Variants in PLXNC1 observed in about 807,000 individuals in gnomAD.
The protein encoded by PLXNC1 is plexin C1, also known as plexin-C1.
PLXNC1 carries 75 observed loss-of-function variants against 178.2 expected under a neutral mutation model. The ratio of observed to expected loss-of-function variants is 0.42; its 90% CI spans 0.35 to 0.51. PLXNC1 has a LOEUF of 0.51. Ranked by LOEUF, PLXNC1 falls within the 20% of genes least tolerant of loss-of-function variation. The pLI is 0.02. For synonymous variants in PLXNC1, 790 were observed against 779.9 expected, an observed-to-expected ratio of 1.01 and a Z score of -0.22; for missense variants, 1,503 against 1,984.4, an observed-to-expected ratio of 0.76 and a Z score of 4.61.
intron 5 of PLXNC1, among the ~76,000 whole-genome samples, chr12:94,216,069 C>A (rs1221795406): frequency 6.6e-6 from 1 of 152,046 alleles, no homozygotes; most frequent in Non-Finnish European, 1.5e-5. Context: ...AGTTTGAGAC[C>A]AGCCTGGCCA....
intron 9 of PLXNC1, among the ~76,000 whole-genome samples, chr12:94,236,652 G>A (rs954768600): frequency 2.1e-5 from 3 of 144,970 alleles, no homozygotes; most frequent in Non-Finnish European, 4.5e-5. Context: ...AGAGGATATA[G>A]GGGAAAAAAG....
In PLXNC1 at chr12:94,149,840, G is replaced by A; in HGVS notation, c.869G>A (p.Gly290Asp). 1 of 1,587,098 alleles carries A rather than the reference G, an allele frequency of 6.3e-7. No individual in the cohort carries two copies. Among genetic ancestry groups the A allele is most frequent in the South Asian group, 1.1e-5 (1 of 88,166 alleles). ...SLDCGHGHPDGRRLLLSSSLV... is the reference protein window; with the variant it reads ...SLDCGHGHPDDRRLLLSSSLV... Reference sequence around the variant, plus strand: ...GACTGCGGCCACGGCCACCCCGACGGCCGCCGCCTGCTCCTCTCCTCCAGC... The same window carrying A: ...GACTGCGGCCACGGCCACCCCGACGACCGCCGCCTGCTCCTCTCCTCCAGC... The change falls in exon 1 of 31, where the codon GGC (glycine) becomes GAC (aspartate). Residue 290 changes from glycine (G) to aspartate (D), a missense_variant. This residue lies in a region of PLXNC1 where 615 missense variants were observed against 698.6 expected (regional missense o/e 0.88). Transcript: ENST00000258526.
At chr12:94,285,427 G>A (rs1966777964) in intron 23 of PLXNC1, among the ~76,000 whole-genome samples, 1 of 152,204 alleles carries the variant, frequency 6.6e-6, no homozygotes, top group South Asian at 2.1e-4. Flanking sequence ...TGACTGAGGT[G>A]CTGCCCCTGT....
chr12:94,239,778 C>T (rs1043316277), intron 10 of PLXNC1, among the ~76,000 whole-genome samples: 1 of 152,238 alleles, frequency 6.6e-6, no homozygotes, highest in African/African-American at 2.4e-5. Context: ...CTGGATACTC[C>T]TTAGGGAGCA....
chr12:94,168,305 C>T (rs1961701956), intron 1 of PLXNC1: 1 of 152,204 alleles, frequency 6.6e-6, no homozygotes, highest in Admixed American at 6.5e-5. Context: ...GTAACAAACT[C>T]AGTTTCCTGT....
rs1419227052 is a variant in PLXNC1, at chr12:94,164,688, CACACACACACACACACACGT to C, written c.1063-4455_1063-4436del. ...ACACACACACACACACACACACACACACACACACACACACACACGTACACACACAAACACACACACACCTC... is the reference window on the plus strand; with the variant it reads ...ACACACACACACACACACACACACACACACACACAAACACACACACACCTC... On this transcript the variant is annotated intron_variant, in intron 1 of 30. Transcript: ENST00000258526. Among the ~76,000 whole-genome samples, 397 of 149,734 alleles carry C rather than the reference CACACACACACACACACACGT, an allele frequency of 2.7e-3. 3 individuals carry two copies. Among genetic ancestry groups the C allele is most frequent in the African/African-American group, 9.5e-3 (379 of 40,048 alleles).
At chr12:94,237,607 TGGAGCGATGC>T in intron 9 of PLXNC1, 47 bp from the exon 10 acceptor site, 2 of 1,521,484 alleles carry the variant, frequency 1.3e-6, no homozygotes, top group African/African-American at 1.4e-5. Context: ...CAGATTTTTT[TGGAGCGATGC>T]CATTTCTTAG....
chr12:94,249,950 A>G (rs1262784778), intron 14 of PLXNC1, among the ~76,000 whole-genome samples: 46 of 79,170 alleles, frequency 5.8e-4, no homozygotes, highest in African/African-American at 1.7e-3. Flanking sequence ...GGGGGGTGGG[A>G]ACAGGAGCAG....
intron 10 of PLXNC1, 43 bp from the exon 11 acceptor site, chr12:94,240,442 A>G: frequency 1.4e-6 from 2 of 1,473,678 alleles, no homozygotes; most frequent in Non-Finnish European, 1.9e-6. Flanking sequence ...AACTGTGCTA[A>G]GTGTCTGTGT....
At chr12:94,214,099 T>C (rs1011286271) in intron 5 of PLXNC1, among the ~76,000 whole-genome samples, 1 of 151,948 alleles carries the variant, frequency 6.6e-6, no homozygotes, top group Non-Finnish European at 1.5e-5. Flanking sequence ...CTTTTTTTTT[T>C]TTTTTGACAG....
chr12:94,217,173 C>T (rs991187782), intron 5 of PLXNC1, among the ~76,000 whole-genome samples: 1 of 152,176 alleles, frequency 6.6e-6, no homozygotes, highest in African/African-American at 2.4e-5. Flanking sequence ...CTGTAAGGTC[C>T]TCATCTAACT....
In PLXNC1 at chr12:94,149,784, C is replaced by G. The variant is rs770590648; in HGVS notation, c.813C>G (p.Thr271=). The part of the protein sequence containing the change: ...WPSMARIAQS[T]EVLFQGQASL... ...GCATGGCGCGCATCGCGCAGAGCACCGAGGTGCTGTTCCAGGGCCAGGCAT... is the reference window on the plus strand; with the variant it reads ...GCATGGCGCGCATCGCGCAGAGCACGGAGGTGCTGTTCCAGGGCCAGGCAT... Residue 271 remains threonine (T), a synonymous_variant, in exon 1 of 31, where the codon ACC becomes ACG. Coordinates refer to ENST00000258526, the MANE Select transcript of PLXNC1 (RefSeq NM_005761.3). 6.2e-6 allele frequency: 10 copies of G among 1,607,812 alleles called. No individual in the cohort carries two copies. Among genetic ancestry groups the G allele is most frequent in the Non-Finnish European group, 8.5e-6 (10 of 1,178,858 alleles).
At chr12:94,277,332 A>G (rs832511) in intron 21 of PLXNC1, 98,367 of 152,646 alleles carry the variant, frequency 0.64, 31,803 homozygotes, top group African/African-American at 0.7. Context: ...CTTGGGGGTT[A>G]GGATTTCAAT....
chr12:94,293,668 G>A (rs1967597599), intron 23 of PLXNC1, among the ~76,000 whole-genome samples: 1 of 152,190 alleles, frequency 6.6e-6, no homozygotes, highest in Admixed American at 6.5e-5. Context: ...GCCCAGGCTG[G>A]AGTAGAGTGG....
intron 5 of PLXNC1, among the ~76,000 whole-genome samples, 181 bp from the exon 6 acceptor site, chr12:94,219,835 A>C (rs1049724383): frequency 6.6e-6 from 1 of 151,022 alleles, no homozygotes; most frequent in African/African-American, 2.4e-5. Flanking sequence ...TTATTTATTT[A>C]TTTATTTATT....
At chr12:94,248,588 AATCC>A (rs1440510070) in intron 14 of PLXNC1, among the ~76,000 whole-genome samples, 176 bp downstream of exon 14, 3 of 152,234 alleles carry the variant, frequency 2.0e-5, no homozygotes, top group African/African-American at 7.2e-5. Context: ...TAGCTGGCTG[AATCC>A]ATCCCTGTGC....
chr12:94,163,650 C>T (rs929601368), intron 1 of PLXNC1, among the ~76,000 whole-genome samples: 1 of 152,044 alleles, frequency 6.6e-6, no homozygotes, highest in Admixed American at 6.5e-5. Flanking sequence ...ACAAGCTTCA[C>T]CACCTTGCAT....
intron 5 of PLXNC1, among the ~76,000 whole-genome samples, chr12:94,214,027 C>T (rs900680852): frequency 6.6e-5 from 10 of 152,016 alleles, no homozygotes; most frequent in South Asian, 4.2e-4. Context: ...CCACCACGCC[C>T]GGCTAATTGG....
chr12:94,251,195 G>GTCTA (rs1964675190), intron 14 of PLXNC1, among the ~76,000 whole-genome samples: 1 of 152,156 alleles, frequency 6.6e-6, no homozygotes. Context: ...GACTCTGAGG[G>GTCTA]TCTAGTCCAG....
Sources: gnomAD v4.1 joint callset for allele counts (sites outside exome capture counted in the v4.1 genomes callset) on GRCh38, gnomAD v4.1.1 for gene constraint, gnomAD v4.1.1 regional missense constraint, MANE v1.5 for transcripts, NCBI Gene and HGNC (gene_info 2026-07-23, HGNC 2026-07-21) for gene names.